The following BBX variants were observed in gnomAD, a reference collection of about 807,000 sequenced individuals.
BBX encodes BBX high mobility group box domain containing, also known as HMG box transcription factor BBX.
BBX carries 30 observed loss-of-function variants against 100.2 expected under a neutral mutation model. The ratio of observed to expected loss-of-function variants is 0.30; its 90% CI spans 0.22 to 0.41. The LOEUF (loss-of-function observed/expected upper bound fraction) is 0.41, where lower values mean the gene tolerates loss of function less well. BBX is among the 10% of genes least tolerant of loss of function. The pLI is 1.00. For synonymous variants in BBX, 376 were observed against 388.1 expected (o/e 0.97, Z 0.37); for missense variants, 1,023 against 1,129.8 (o/e 0.91, Z 1.35).
chr3:107,647,923 C>G (rs894444954), intron 3 of BBX, among the ~76,000 whole-genome samples: 1 of 152,114 alleles, frequency 6.6e-6, no homozygotes, highest in Non-Finnish European at 1.5e-5. Context: ...AACTATGACT[C>G]TTAACAAGGC....
chr3:107,633,269 A>C (rs1409299415), intron 2 of BBX, among the ~76,000 whole-genome samples: 3 of 152,156 alleles, frequency 2.0e-5, no homozygotes, highest in Non-Finnish European at 4.4e-5. Flanking sequence ...AATTTAGTGC[A>C]ATAAAATGAG....
rs191351924 is a variant in BBX, at chr3:107,674,029, A to G, written c.-10+28120A>G. On this transcript the variant is annotated intron_variant, in intron 3 of 17. Coordinates refer to ENST00000325805, the MANE Select transcript of BBX (RefSeq NM_001142568.3). ...AATTAATCACTCTCTTTAGAAAAAA[A>G]ATGCATTCAAACATATATGATAGAA... 2.6e-5 allele frequency among the ~76,000 whole-genome samples: 4 copies of G among 152,284 alleles called. No individual in the cohort carries two copies. The East Asian group carries it at 7.7e-4, about 29-fold the overall frequency.
intron 2 of BBX, among the ~76,000 whole-genome samples, chr3:107,583,928 AATAT>A (rs531267513): frequency 1.1e-4 from 12 of 107,360 alleles, no homozygotes; most frequent in Non-Finnish European, 2.1e-4. Context: ...CTTTATATAT[AATAT>A]ATATATTATA....
intron 14 of BBX, among the ~76,000 whole-genome samples, chr3:107,790,109 A>G (rs1215291579): frequency 2.6e-5 from 4 of 152,154 alleles, no homozygotes; most frequent in African/African-American, 9.7e-5. Context: ...AGAGCCCCAT[A>G]TGAATCCTAA....
chr3:107,604,491 G>A (rs1458298894), intron 2 of BBX, among the ~76,000 whole-genome samples: 1 of 152,026 alleles, frequency 6.6e-6, no homozygotes, highest in East Asian at 1.9e-4. Flanking sequence ...GGGTACTTTT[G>A]GGACTGAGCC....
chr3:107,543,379 A>T (rs928106000), intron 2 of BBX, among the ~76,000 whole-genome samples: 3 of 152,204 alleles, frequency 2.0e-5, no homozygotes, highest in African/African-American at 4.8e-5. Flanking sequence ...CCAATTCACG[A>T]CACCATCTTT....
At chr3:107,778,900 A>C (rs1265313776) in intron 13 of BBX, among the ~76,000 whole-genome samples, 1 of 150,358 alleles carries the variant, frequency 6.7e-6, no homozygotes, top group Admixed American at 6.7e-5. Flanking sequence ...CGGGGACTGT[A>C]AATCATTCTT....
At chr3:107,726,608 C>G (rs1576523249) in intron 5 of BBX, among the ~76,000 whole-genome samples, 1 of 152,042 alleles carries the variant, frequency 6.6e-6, no homozygotes, top group South Asian at 2.1e-4. Flanking sequence ...GTATTCCCGG[C>G]CTTTCTCTTG....
At chr3:107,737,369 G>T (rs969704551) in intron 7 of BBX, among the ~76,000 whole-genome samples, 1 of 151,690 alleles carries the variant, frequency 6.6e-6, no homozygotes, top group Non-Finnish European at 1.5e-5. Context: ...AATTACCGTT[G>T]TAATTTACTA....
chr3:107,580,583 A>G (rs1020064917), intron 2 of BBX, among the ~76,000 whole-genome samples: 3 of 152,226 alleles, frequency 2.0e-5, no homozygotes, highest in Admixed American at 6.5e-5. Context: ...ATATGTAGGT[A>G]AGTTATCAGG....
intron 16 of BBX, among the ~76,000 whole-genome samples, chr3:107,799,906 G>T (rs2070242424): frequency 6.6e-6 from 1 of 152,182 alleles, no homozygotes; most frequent in South Asian, 2.1e-4. Context: ...TGCTATACCA[G>T]CTAGGTACTA....
chr3:107,616,215 G>A (rs2055267875), intron 2 of BBX, among the ~76,000 whole-genome samples: 2 of 151,664 alleles, frequency 1.3e-5, no homozygotes, highest in Non-Finnish European at 2.9e-5. Flanking sequence ...ATTCTCAAAG[G>A]AAATGCTCAC....
chr3:107,728,804 T>C lies in BBX; in HGVS notation c.445T>C (p.Trp149Arg). The C allele has an allele frequency of 3.1e-6, 5 of 1,613,682 alleles. No individual in the cohort carries two copies. The Middle Eastern group carries it at 5.0e-4, about 160-fold the overall frequency. The change falls in exon 6 of 18, where the codon TGG becomes CGG. Residue 149 changes from tryptophan (W) to arginine (R), a missense_variant. Trp to Arg is a moderately radical substitution (Grantham distance 101). Coordinates refer to ENST00000325805, the MANE Select transcript of BBX (RefSeq NM_001142568.3). ...TATGAAAGCAAATCCTGGCTACAAA[T>C]GGTGTCCTACCACAAACAAGCCTGT... is the stretch of plus-strand genomic sequence containing the variant. ...AFMKANPGYK[W>R]CPTTNKPVKS...
intron 17 of BBX, among the ~76,000 whole-genome samples, chr3:107,803,951 TTG>T (rs1491299845): frequency 1.2e-4 from 1 of 8,600 alleles, no homozygotes; most frequent in African/African-American, 2.4e-4. Context: ...TTCATCTTTT[TTG>T]TTTTTTTTTT....
At chr3:107,697,096 C>CTTCTAAATT (rs1278937967) in intron 3 of BBX, among the ~76,000 whole-genome samples, 1 of 142,440 alleles carries the variant, frequency 7.0e-6, no homozygotes, top group South Asian at 2.1e-4. Flanking sequence ...GTTATACATT[C>CTTCTAAATT]TTCTAAATTT....
At chr3:107,737,304 C>CAGAG (rs10575069) in intron 7 of BBX, among the ~76,000 whole-genome samples, 14 of 142,704 alleles carry the variant, frequency 9.8e-5, no homozygotes, top group African/African-American at 3.3e-4. Flanking sequence ...TACATACACA[C>CAGAG]AGAGAGAGAG....
At chr3:107,665,953 G>T (rs1421267214) in intron 3 of BBX, among the ~76,000 whole-genome samples, 1 of 152,144 alleles carries the variant, frequency 6.6e-6, no homozygotes, top group Non-Finnish European at 1.5e-5. Context: ...TCAACTCCAG[G>T]TGAATGGTGA....
At chr3:107,555,346 A>T (rs2050018933) in intron 2 of BBX, among the ~76,000 whole-genome samples, 1 of 152,134 alleles carries the variant, frequency 6.6e-6, no homozygotes, top group African/African-American at 2.4e-5. Context: ...AAAGGAATTT[A>T]TAGATTTCCA....
intron 12 of BBX, among the ~76,000 whole-genome samples, chr3:107,776,766 G>C (rs1054690020): frequency 1.3e-5 from 2 of 152,040 alleles, no homozygotes; most frequent in South Asian, 4.2e-4. Context: ...TATGAGTTAC[G>C]TCTCACATTT....
Sources: gnomAD v4.1 joint callset for allele counts (sites outside exome capture counted in the v4.1 genomes callset) on GRCh38, gnomAD v4.1.1 for gene constraint, MANE v1.5 for transcripts, NCBI Gene and HGNC (gene_info 2026-07-23, HGNC 2026-07-21) for gene names.